CRYBG3: variants seen among roughly 807,000 people sequenced by gnomAD.
CRYBG3 encodes very large A-kinase anchor protein.
A neutral mutation model predicts 244.2 loss-of-function variants in CRYBG3; 127 were observed. The observed-to-expected ratio is 0.52, with a 90% CI of 0.45 to 0.60. The LOEUF (loss-of-function observed/expected upper bound fraction) is 0.60, where lower values mean the gene tolerates loss of function less well. CRYBG3 is among the 20% of genes least tolerant of loss of function. CRYBG3 has a pLI of 0.00. For synonymous variants in CRYBG3, 1,132 were observed against 1,195.8 expected (o/e 0.95, Z 1.10); for missense variants, 3,325 against 3,442.5 (o/e 0.97, Z 0.85).
chr3:97,924,629 A>G lies in CRYBG3; in HGVS notation c.8241+8893A>G, dbSNP rs1276512995. On this transcript the variant is annotated intron_variant, in intron 17 of 21. Transcript: ENST00000389622. ...CCTTTTCTAGCTTCTAGAGGCCACC[A>G]GCATTCCTTAACTCATGACCTTCTT... 5.3e-5 allele frequency among the ~76,000 whole-genome samples: 8 copies of G among 152,068 alleles called. No individual in the cohort carries two copies. The East Asian group carries it at 1.4e-3, about 26-fold the overall frequency.
At chr3:97,919,878 A>G (rs1332950888) in intron 17 of CRYBG3, among the ~76,000 whole-genome samples, 1 of 152,110 alleles carries the variant, frequency 6.6e-6, no homozygotes, top group East Asian at 1.9e-4. Flanking sequence ...TCTTTCTCCC[A>G]TCTCAGCCTC....
At chr3:97,885,260 A>G (rs1576543858) in intron 7 of CRYBG3, among the ~76,000 whole-genome samples, 2 of 152,204 alleles carry the variant, frequency 1.3e-5, no homozygotes, top group African/African-American at 4.8e-5. Flanking sequence ...TTGCTTTTGT[A>G]TATTAATAAG....
At chr3:97,934,801 T>A (rs2040141722) in intron 18 of CRYBG3, among the ~76,000 whole-genome samples, 1 of 152,134 alleles carries the variant, frequency 6.6e-6, no homozygotes, top group Non-Finnish European at 1.5e-5. Flanking sequence ...AATATATTAT[T>A]TACCAATTAA....
intron 1 of CRYBG3, among the ~76,000 whole-genome samples, chr3:97,824,684 A>C (rs542435174): frequency 6.6e-6 from 1 of 152,340 alleles, no homozygotes; most frequent in Admixed American, 6.5e-5. Flanking sequence ...TAGCATCAAC[A>C]CTATTGTATA....
At chr3:97,883,920 T>G (rs1010857114) in intron 7 of CRYBG3, among the ~76,000 whole-genome samples, 1 of 152,168 alleles carries the variant, frequency 6.6e-6, no homozygotes, top group Admixed American at 6.5e-5. Flanking sequence ...TTATATTAGT[T>G]GTTATATTGG....
At position 97,836,212 on chromosome 3, in the gene CRYBG3, A is replaced by G. The variant is rs1369356262; in HGVS notation, c.150-6983A>G. Among the ~76,000 whole-genome samples, 5 of 152,048 alleles carry G rather than the reference A, an allele frequency of 3.3e-5. No homozygotes were observed. In the East Asian group the frequency reaches 9.7e-4, roughly 29 times the overall value. The stretch of plus-strand genomic sequence containing the variant: ...GCAACAGAGCCTCATAATCATGCCT[A>G]CCTTTCCTCTCTCCTCCTGATTTTT... On this transcript the variant is annotated intron_variant, in intron 1 of 21. Coordinates refer to ENST00000389622, the MANE Select transcript of CRYBG3 (RefSeq NM_153605.4).
chr3:97,882,833 T>G (rs1288025825), intron 7 of CRYBG3, among the ~76,000 whole-genome samples: 1 of 152,202 alleles, frequency 6.6e-6, no homozygotes, highest in Non-Finnish European at 1.5e-5. Flanking sequence ...TGCACATATT[T>G]TATGTGAATC....
intron 16 of CRYBG3, among the ~76,000 whole-genome samples, chr3:97,913,256 C>G (rs1456736165): frequency 1.3e-5 from 2 of 152,134 alleles, no homozygotes; most frequent in Admixed American, 1.3e-4. Flanking sequence ...TTTTCTTGAC[C>G]TTACCATCAA....
intron 3 of CRYBG3, among the ~76,000 whole-genome samples, chr3:97,871,070 T>C (rs1017960929): frequency 9.9e-5 from 15 of 152,166 alleles, no homozygotes; most frequent in African/African-American, 3.4e-4. Context: ...TAATTGGCTA[T>C]AAGATAGTAT....
At chr3:97,835,246 A>G (rs2108159821) in intron 1 of CRYBG3, among the ~76,000 whole-genome samples, 1 of 152,200 alleles carries the variant, frequency 6.6e-6, no homozygotes, top group South Asian at 2.1e-4. Context: ...TTGTATTCTA[A>G]TGGGGAGGGC....
chr3:97,856,074 C>T (rs925621826), intron 2 of CRYBG3, among the ~76,000 whole-genome samples: 3 of 152,042 alleles, frequency 2.0e-5, no homozygotes, highest in African/African-American at 7.2e-5. Flanking sequence ...CCTACAGCCT[C>T]GACCATAAGA....
At chr3:97,823,787 T>C (rs1324653001) in intron 1 of CRYBG3, among the ~76,000 whole-genome samples, 5 of 152,168 alleles carry the variant, frequency 3.3e-5, no homozygotes, top group Non-Finnish European at 7.3e-5. Flanking sequence ...TGAGAGTCAG[T>C]GTTAGAAAGG....
intron 17 of CRYBG3, among the ~76,000 whole-genome samples, chr3:97,930,840 C>A (rs940512476): frequency 6.6e-6 from 1 of 152,054 alleles, no homozygotes; most frequent in South Asian, 2.1e-4. Context: ...GGCCACATAA[C>A]GTAAAGAGAA....
At chr3:97,893,159 CTT>C (rs2039601239) in intron 11 of CRYBG3, among the ~76,000 whole-genome samples, 166 bp downstream of exon 11, 1 of 152,080 alleles carries the variant, frequency 6.6e-6, no homozygotes, top group African/African-American at 2.4e-5. Flanking sequence ...TCTGTGGACT[CTT>C]GTTTGTATTA....
Position 97,896,092 on chromosome 3 carries a change from T to TATCCTTATCCTTAATA in CRYBG3, c.7701+8_7701+9insTCCTTATCCTTAATAA. On this transcript the variant is annotated splice_region_variant and intron_variant, in intron 12 of 21. Coordinates refer to ENST00000389622, the MANE Select transcript of CRYBG3 (RefSeq NM_153605.4). ...TTTCCGGTACTTACAAGCTGTGAGT[T>TATCCTTATCCTTAATA]AGCTTCCTTATCCTTAATTTTCTAC... 6.2e-7 allele frequency: 1 copy of TATCCTTATCCTTAATA among 1,602,236 alleles called. No homozygotes were observed. The highest frequency in any genetic ancestry group is 2.2e-5 in the East Asian group (1 of 44,684).
At position 97,936,756 on chromosome 3, in the gene CRYBG3, C is replaced by T. The variant is rs371042529; in HGVS notation, c.8382-29C>T. On this transcript the variant is annotated intron_variant, in intron 18 of 21. Coordinates refer to ENST00000389622, the MANE Select transcript of CRYBG3 (RefSeq NM_153605.4). Reference sequence around the variant, plus strand: ...AGGGATTTTTTTTTGTTTTGAAGTACACTACTTTTTTCTTTCTTGTTCTCA... The same window carrying T: ...AGGGATTTTTTTTTGTTTTGAAGTATACTACTTTTTTCTTTCTTGTTCTCA... 8 of 1,604,690 alleles carry T rather than the reference C, an allele frequency of 5.0e-6. No individual in the cohort carries two copies. The African/African-American group carries it at 6.7e-5, about 13-fold the overall frequency.
At chr3:97,902,400 T>C (rs1365153086) in intron 15 of CRYBG3, among the ~76,000 whole-genome samples, 1 of 152,184 alleles carries the variant, frequency 6.6e-6, no homozygotes, top group Non-Finnish European at 1.5e-5. Context: ...GAGATATTGG[T>C]GGAACATCAC....
At chr3:97,848,273 T>C (rs1331402040) in intron 2 of CRYBG3, among the ~76,000 whole-genome samples, 6 of 152,148 alleles carry the variant, frequency 3.9e-5, no homozygotes, top group Admixed American at 3.9e-4. Context: ...TGTATGGCTT[T>C]AGTGTATGCT....
chr3:97,860,798 T>A (rs2039134903), intron 2 of CRYBG3, among the ~76,000 whole-genome samples: 1 of 152,156 alleles, frequency 6.6e-6, no homozygotes, highest in Non-Finnish European at 1.5e-5. Context: ...TTCTTTTCAT[T>A]GTTTTTGACT....
Sources: gnomAD v4.1 joint callset for allele counts (sites outside exome capture counted in the v4.1 genomes callset) on GRCh38, gnomAD v4.1.1 for gene constraint, MANE v1.5 for transcripts, NCBI Gene and HGNC (gene_info 2026-07-23, HGNC 2026-07-21) for gene names.